The following RPS6KC1 variants were observed in gnomAD, a reference collection of about 807,000 sequenced individuals.
RPS6KC1 encodes the protein inactive ribosomal protein S6 kinase delta-1.
A neutral mutation model predicts 103.8 loss-of-function variants in RPS6KC1; 54 were observed. The ratio of observed to expected loss-of-function variants is 0.52; its 90% confidence interval spans 0.42 to 0.65. The LOEUF (loss-of-function observed/expected upper bound fraction) is 0.65, where lower values mean the gene tolerates loss of function less well. RPS6KC1 is among the 30% of genes least tolerant of loss of function. The pLI, the probability that RPS6KC1 is intolerant of heterozygous loss-of-function variation, is 0.00. For missense variants in RPS6KC1, 1,151 were observed against 1,253.8 expected (o/e 0.92, Z 1.24); for synonymous variants, 439 against 438.7 (o/e 1.00, Z -0.01).
At chr1:213,216,576 C>T (rs1322038961) in intron 8 of RPS6KC1, among the ~76,000 whole-genome samples, 1 of 152,140 alleles carries the variant, frequency 6.6e-6, no homozygotes, top group South Asian at 2.1e-4. Flanking sequence ...ACATTTTTTT[C>T]AGCACCACAC....
the RPS6KC1 span, among the ~76,000 whole-genome samples, chr1:213,428,184 A>G: frequency 1.3e-5 from 2 of 152,030 alleles, no homozygotes; most frequent in African/African-American, 4.8e-5. Context: ...CTCCTTTCAA[A>G]CCAAGTTATA....
the RPS6KC1 span, among the ~76,000 whole-genome samples, chr1:213,344,344 A>T: frequency 6.6e-6 from 1 of 152,202 alleles, no homozygotes; most frequent in Non-Finnish European, 1.5e-5. Context: ...ATGATTTTTT[A>T]AATGTGTATT....
intron 3 of RPS6KC1, among the ~76,000 whole-genome samples, chr1:213,089,020 TA>T (rs1321116273): frequency 6.6e-6 from 1 of 152,240 alleles, no homozygotes. Flanking sequence ...TACTATTCTT[TA>T]ATTTTAACAA....
chr1:213,271,175 C>CT (rs1254393098), intron 14 of RPS6KC1, among the ~76,000 whole-genome samples: 10 of 152,242 alleles, frequency 6.6e-5, no homozygotes, highest in East Asian at 3.9e-4. Flanking sequence ...ACTGGAAAGT[C>CT]TAAGTATCTA....
At chr1:213,632,297 C>G in the RPS6KC1 span, among the ~76,000 whole-genome samples, 1 of 152,108 alleles carries the variant, frequency 6.6e-6, no homozygotes, top group Non-Finnish European at 1.5e-5. Flanking sequence ...TCCAAGATAG[C>G]CAAATAGGAA....
At chr1:213,123,035 G>GTTATA (rs1489532073) in intron 5 of RPS6KC1, among the ~76,000 whole-genome samples, 6 of 152,130 alleles carry the variant, frequency 3.9e-5, no homozygotes. Flanking sequence ...TATGCCATGG[G>GTTATA]AATCATTATA....
At chr1:213,234,096 C>G (rs2094168291) in intron 10 of RPS6KC1, among the ~76,000 whole-genome samples, 1 of 150,000 alleles carries the variant, frequency 6.7e-6, no homozygotes, top group Non-Finnish European at 1.5e-5. Context: ...AATCATAGCT[C>G]ACTGTAACCT....
chr1:213,371,607 G>T, the RPS6KC1 span, among the ~76,000 whole-genome samples: 1 of 152,116 alleles, frequency 6.6e-6, no homozygotes, highest in Non-Finnish European at 1.5e-5. Flanking sequence ...TTACTTTCTG[G>T]TTGTTGTTGT....
the RPS6KC1 span, among the ~76,000 whole-genome samples, chr1:213,431,685 GTTACTAT>G: frequency 6.6e-6 from 1 of 150,518 alleles, no homozygotes; most frequent in Non-Finnish European, 1.5e-5. Flanking sequence ...GTGTGTGTGT[GTTACTAT>G]TTACCCATTC....
the RPS6KC1 span, among the ~76,000 whole-genome samples, chr1:213,649,451 A>G: frequency 2.0e-5 from 3 of 151,924 alleles, no homozygotes; most frequent in Non-Finnish European, 4.4e-5. Flanking sequence ...CTCTGGCCAC[A>G]GGAGCCACAA....
At chr1:213,271,872 A>C (rs2095055620) in intron 14 of RPS6KC1, among the ~76,000 whole-genome samples, 1 of 152,074 alleles carries the variant, frequency 6.6e-6, no homozygotes, top group Admixed American at 6.6e-5. Flanking sequence ...GGATGAATTT[A>C]TATAAATTAT....
At chr1:213,413,908 T>TACTTAG in the RPS6KC1 span, among the ~76,000 whole-genome samples, 2 of 152,074 alleles carry the variant, frequency 1.3e-5, no homozygotes, top group Non-Finnish European at 2.9e-5. Flanking sequence ...CATAGCTCAG[T>TACTTAG]GAGATACTTA....
At chr1:213,601,168 C>T in the RPS6KC1 span, among the ~76,000 whole-genome samples, 7,850 of 151,928 alleles carry the variant, frequency 0.052, 482 homozygotes, top group African/African-American at 0.15. Flanking sequence ...CTGATTCAAT[C>T]AAAATGAATT....
the RPS6KC1 span, among the ~76,000 whole-genome samples, chr1:213,807,246 C>A: frequency 6.6e-6 from 1 of 152,168 alleles, no homozygotes; most frequent in African/African-American, 2.4e-5. Flanking sequence ...GTGAATCTGA[C>A]AATTATGTGT....
chr1:213,638,436 T>C, the RPS6KC1 span, among the ~76,000 whole-genome samples: 1 of 152,122 alleles, frequency 6.6e-6, no homozygotes, highest in African/African-American at 2.4e-5. Flanking sequence ...CTTCACATAA[T>C]TCAGGTCGTG....
chr1:213,407,124 G>A, the RPS6KC1 span, among the ~76,000 whole-genome samples: 1 of 152,150 alleles, frequency 6.6e-6, no homozygotes, highest in African/African-American at 2.4e-5. Flanking sequence ...TCTACCAAGT[G>A]CCAGTGGTTG....
chr1:213,117,204 A>C, intron 4 of RPS6KC1, 113 bp from the exon 5 acceptor site: 1 of 598,328 alleles, frequency 1.7e-6, no homozygotes, highest in Non-Finnish European at 2.9e-6. Flanking sequence ...TTAATAGATT[A>C]GTATAGTCGT....
At chr1:213,239,937 A>G (rs1411855634) in intron 10 of RPS6KC1, among the ~76,000 whole-genome samples, 3 of 152,208 alleles carry the variant, frequency 2.0e-5, no homozygotes, top group Non-Finnish European at 4.4e-5. Context: ...AACTATGGTG[A>G]AATAATAACT....
At chr1:213,515,639 A>G in the RPS6KC1 span, among the ~76,000 whole-genome samples, 1 of 152,150 alleles carries the variant, frequency 6.6e-6, no homozygotes, top group Non-Finnish European at 1.5e-5. Context: ...GTAGCCTTGT[A>G]GTATAGTTTG....
Sources: gnomAD v4.1 joint callset for allele counts (sites outside exome capture counted in the v4.1 genomes callset) on GRCh38, gnomAD v4.1.1 for gene constraint, MANE v1.5 for transcripts, NCBI Gene and HGNC (gene_info 2026-07-23, HGNC 2026-07-21) for gene names.